DLGAP1: variants seen among roughly 807,000 people sequenced by gnomAD.
DLGAP1 encodes disks large-associated protein 1.
DLGAP1 carries 11 observed loss-of-function variants against 90.8 expected under a neutral mutation model. The observed-to-expected ratio is 0.12, with a 90% CI of 0.08 to 0.20. DLGAP1 has a LOEUF of 0.20. Ranked by LOEUF, DLGAP1 falls within the 10% of genes least tolerant of loss-of-function variation. DLGAP1 has a pLI of 1.00. For missense variants in DLGAP1, 1,050 were observed against 1,333.8 expected (o/e 0.79, Z 3.31); for synonymous variants, 558 against 540.7 (o/e 1.03, Z -0.44).
At chr18:3,788,273 T>C (rs1442558462) in intron 5 of DLGAP1, among the ~76,000 whole-genome samples, 1 of 152,194 alleles carries the variant, frequency 6.6e-6, no homozygotes, top group African/African-American at 2.4e-5. Flanking sequence ...CGGGAAAAGA[T>C]GATAATATGG....
intron 2 of DLGAP1, among the ~76,000 whole-genome samples, chr18:4,087,878 A>G (rs962750539): frequency 8.6e-5 from 13 of 151,954 alleles, no homozygotes; most frequent in African/African-American, 3.1e-4. Context: ...AGTTGACATG[A>G]TCTGTCTTGA....
At chr18:3,840,674 C>T (rs2068663185) in intron 4 of DLGAP1, among the ~76,000 whole-genome samples, 2 of 152,208 alleles carry the variant, frequency 1.3e-5, no homozygotes, top group African/African-American at 4.8e-5. Flanking sequence ...CTAACTACGA[C>T]CACCCACACT....
intron 8 of DLGAP1, among the ~76,000 whole-genome samples, chr18:3,572,521 C>A (rs966955694): frequency 6.6e-6 from 1 of 151,642 alleles, no homozygotes; most frequent in African/African-American, 2.4e-5. Flanking sequence ...AATCTAAGCT[C>A]ACTAAGCAAC....
At chr18:3,545,364 T>C (rs576907646) in intron 9 of DLGAP1, among the ~76,000 whole-genome samples, 9 of 152,234 alleles carry the variant, frequency 5.9e-5, no homozygotes, top group Admixed American at 5.2e-4. Context: ...CTTTTCCAAG[T>C]ATTTCATCAA....
At chr18:3,588,972 G>A (rs558587180) in intron 7 of DLGAP1, among the ~76,000 whole-genome samples, 71 of 151,938 alleles carry the variant, frequency 4.7e-4, no homozygotes, top group Non-Finnish European at 7.9e-4. Flanking sequence ...ATTTGAGGTC[G>A]CGAGTTCGAA....
At chr18:3,873,647 T>C (rs1223865561) in intron 4 of DLGAP1, among the ~76,000 whole-genome samples, 1 of 152,080 alleles carries the variant, frequency 6.6e-6, no homozygotes, top group African/African-American at 2.4e-5. Context: ...ATGGAAATAA[T>C]CTTGAACCAA....
rs2049995281 is a variant in DLGAP1 at position 3,502,610 on chromosome 18, A to G, written c.2607T>C (p.Asp869=). ...GCAGCATGTCCCAAAACCCCGCCAAATCCTGGGAGGTGGGTCTTGGATGAG... is the reference window on the plus strand; with the variant it reads ...GCAGCATGTCCCAAAACCCCGCCAAGTCCTGGGAGGTGGGTCTTGGATGAG... ...PNAHPRPTSQ[D]LAGFWDMLQL... is the part of the protein sequence containing the mutation. Residue 869 remains aspartate (D), a synonymous_variant, in exon 12 of 13, where the codon GAT becomes GAC. Coordinates refer to ENST00000315677, the MANE Select transcript of DLGAP1 (RefSeq NM_004746.4). The G allele has an allele frequency of 1.2e-6, 2 of 1,614,004 alleles. No individual in the cohort carries two copies. Among genetic ancestry groups the G allele is most frequent in the African/African-American group, 2.7e-5 (2 of 74,926 alleles).
intron 1 of DLGAP1, among the ~76,000 whole-genome samples, chr18:4,282,139 C>T (rs7228359): frequency 0.044 from 6,737 of 152,032 alleles, 500 homozygotes; most frequent in African/African-American, 0.15. Flanking sequence ...CCGAGGCGGG[C>T]GGATCACGAG....
intron 5 of DLGAP1, among the ~76,000 whole-genome samples, chr18:3,813,134 C>T (rs1038966433): frequency 3.3e-5 from 5 of 152,140 alleles, no homozygotes. Context: ...AGCACAAATA[C>T]AGTTAAGGAC....
At chr18:3,531,179 G>A (rs112309177) in intron 10 of DLGAP1, among the ~76,000 whole-genome samples, 21,820 of 152,136 alleles carry the variant, frequency 0.14, 1,687 homozygotes, top group Middle Eastern at 0.25. Flanking sequence ...GCTCACCCCT[G>A]TAATCTCAGC....
intron 2 of DLGAP1, among the ~76,000 whole-genome samples, chr18:4,052,153 G>A (rs112333203): frequency 0.094 from 14,338 of 152,262 alleles, 712 homozygotes; most frequent in Middle Eastern, 0.19. Context: ...TGGGAGTCTG[G>A]AGGATGGTGG....
chr18:3,854,355 T>TCATA (rs951925213), intron 4 of DLGAP1, among the ~76,000 whole-genome samples: 2 of 151,290 alleles, frequency 1.3e-5, no homozygotes, highest in African/African-American at 4.9e-5. Context: ...TATTAAAATA[T>TCATA]CATACATACA....
intron 7 of DLGAP1, among the ~76,000 whole-genome samples, chr18:3,656,785 T>C (rs1353614583): frequency 1.3e-5 from 2 of 151,728 alleles, no homozygotes; most frequent in African/African-American, 4.8e-5. Flanking sequence ...CAGGCTGGAG[T>C]GCAGTGGCGC....
At chr18:3,665,348 T>C (rs1430038213) in intron 7 of DLGAP1, among the ~76,000 whole-genome samples, 1 of 151,646 alleles carries the variant, frequency 6.6e-6, no homozygotes, top group Non-Finnish European at 1.5e-5. Flanking sequence ...GTACCTTCCA[T>C]AACCATTGCT....
intron 4 of DLGAP1, among the ~76,000 whole-genome samples, chr18:3,827,227 G>C (rs1352789804): frequency 1.3e-5 from 2 of 152,024 alleles, no homozygotes; most frequent in Non-Finnish European, 2.9e-5. Context: ...GAATGAAGGA[G>C]GTGACCTAAG....
At chr18:3,934,212 AC>A (rs1370631919) in intron 3 of DLGAP1, among the ~76,000 whole-genome samples, 27 of 152,214 alleles carry the variant, frequency 1.8e-4, no homozygotes, top group African/African-American at 6.5e-4. Context: ...CACAGCCACG[AC>A]ACTGTAAAAG....
At chr18:4,046,532 G>C (rs2075056601) in intron 2 of DLGAP1, among the ~76,000 whole-genome samples, 1 of 152,218 alleles carries the variant, frequency 6.6e-6, no homozygotes, top group South Asian at 2.1e-4. Flanking sequence ...AGAAACCATA[G>C]ATATCATCAA....
At chr18:4,355,541 CT>C (rs2081490547) in intron 1 of DLGAP1, among the ~76,000 whole-genome samples, 1 of 152,120 alleles carries the variant, frequency 6.6e-6, no homozygotes, top group African/African-American at 2.4e-5. Context: ...TTACACAGAT[CT>C]ACATACGTGA....
chr18:3,591,692 G>A (rs192322826), intron 7 of DLGAP1, among the ~76,000 whole-genome samples: 47 of 151,938 alleles, frequency 3.1e-4, no homozygotes, highest in African/African-American at 8.7e-4. Context: ...GCAAGACTAC[G>A]TCAAAAATAA....
Sources: gnomAD v4.1 joint callset for allele counts (sites outside exome capture counted in the v4.1 genomes callset) on GRCh38, gnomAD v4.1.1 for gene constraint, MANE v1.5 for transcripts, NCBI Gene and HGNC (gene_info 2026-07-23, HGNC 2026-07-21) for gene names.